The following PLVAP variants were observed in gnomAD, a reference collection of about 807,000 sequenced individuals.
The protein encoded by PLVAP is plasmalemma vesicle-associated protein.
In PLVAP, 34 loss-of-function variants were observed where a neutral mutation model predicts 43.1. The observed-to-expected ratio is 0.79, with a 90% CI of 0.60 to 1.05. The LOEUF is 1.05. PLVAP is among the 50% of genes least tolerant of loss of function. PLVAP has a pLI of 0.00. For missense variants in PLVAP, 574 were observed against 593.4 expected (o/e 0.97, Z 0.34); for synonymous variants, 241 against 237.3 (o/e 1.02, Z -0.14).
At chr19:17,374,738 A>C (rs934905736) in intron 1 of PLVAP, among the ~76,000 whole-genome samples, 8 of 151,138 alleles carry the variant, frequency 5.3e-5, no homozygotes, top group Non-Finnish European at 4.4e-5. Flanking sequence ...TGATCCTCCC[A>C]CCTCAGCCTC....
chr19:17,363,910 AT>A lies in PLVAP; in HGVS notation c.1179+1375del, dbSNP rs566917621. On this transcript the variant is annotated intron_variant, in intron 3 of 5. Coordinates refer to ENST00000252590, the MANE Select transcript of PLVAP (RefSeq NM_031310.3). ...GGCGCCCGCCACCACACCCGGCTAA[AT>A]TTTTTTTTGTATTTTTAGTAGAGAC... 1.6e-3 allele frequency among the ~76,000 whole-genome samples: 239 copies of A among 149,032 alleles called. 2 individuals carry two copies. The East Asian group carries it at 0.035, about 22-fold the overall frequency.
chr19:17,360,612 G>A lies in PLVAP; in HGVS notation c.1241-3C>T, dbSNP rs554390626. 2.4e-5 allele frequency: 39 copies of A among 1,611,724 alleles called. No homozygotes were observed. The East Asian group carries it at 8.2e-4, about 34-fold the overall frequency. Reference sequence around the variant, plus strand: ...GAACTCCTCCAGGCTAGCTGGGTCTGTGGAGGGAGAGAGGTGAGGCTTGAC... The same window carrying A: ...GAACTCCTCCAGGCTAGCTGGGTCTATGGAGGGAGAGAGGTGAGGCTTGAC... On this transcript the variant is annotated splice_polypyrimidine_tract_variant and splice_region_variant and intron_variant, in intron 4 of 5. Transcript: ENST00000252590.
chr19:17,355,372 A>C (rs1422583662), intron 5 of PLVAP, among the ~76,000 whole-genome samples: 1 of 151,916 alleles, frequency 6.6e-6, no homozygotes, highest in Non-Finnish European at 1.5e-5. Flanking sequence ...CCATTTAAAA[A>C]ACGTTTTAGA....
rs191388089 is a variant in PLVAP, at chr19:17,367,368, C to A, written c.370-1173G>T. On this transcript the variant is annotated intron_variant, in intron 1 of 5. Coordinates refer to ENST00000252590, the MANE Select transcript of PLVAP (RefSeq NM_031310.3). Reference sequence around the variant, plus strand: ...TAGCTGGGACTACAGGCCTGTGCCACCACGCCTGACTGATTTTTAAATTTT... The same window carrying A: ...TAGCTGGGACTACAGGCCTGTGCCAACACGCCTGACTGATTTTTAAATTTT... 1.7e-3 allele frequency among the ~76,000 whole-genome samples: 251 copies of A among 150,388 alleles called. 4 individuals carry two copies. Among genetic ancestry groups the A allele is most frequent in the Non-Finnish European group, 1.6e-4 (11 of 67,778 alleles).
At chr19:17,353,544 C>T (rs1345903245) in intron 5 of PLVAP, among the ~76,000 whole-genome samples, 1 of 152,146 alleles carries the variant, frequency 6.6e-6, no homozygotes, top group African/African-American at 2.4e-5. Flanking sequence ...CCTCTTCCCT[C>T]AAACACACAA....
At chr19:17,362,354 C>T (rs1193755297) in intron 3 of PLVAP, 1 of 152,124 alleles carries the variant, frequency 6.6e-6, no homozygotes, top group South Asian at 2.1e-4. Flanking sequence ...ACTTCCACCC[C>T]GAGATTGGCA....
intron 1 of PLVAP, among the ~76,000 whole-genome samples, chr19:17,368,935 G>T (rs767734686): frequency 6.6e-6 from 1 of 152,060 alleles, no homozygotes; most frequent in Non-Finnish European, 1.5e-5. Context: ...CCGAGATCGC[G>T]TCTCTGCACT....
At chr19:17,364,233 A>G (rs2145722128) in intron 3 of PLVAP, among the ~76,000 whole-genome samples, 1 of 151,850 alleles carries the variant, frequency 6.6e-6, no homozygotes, top group Admixed American at 6.6e-5. Flanking sequence ...TTACAGACGC[A>G]CGCCGCCACG....
At chr19:17,373,826 C>A (rs1349901980) in intron 1 of PLVAP, among the ~76,000 whole-genome samples, 1 of 152,104 alleles carries the variant, frequency 6.6e-6, no homozygotes. Flanking sequence ...AAGAAAGTCA[C>A]CTCCCCTCTC....
chr19:17,360,914 CTTTT>C (rs71336607), intron 3 of PLVAP, 82 bp from the exon 4 acceptor site: 1,371 of 899,330 alleles, frequency 1.5e-3, no homozygotes, highest in Middle Eastern at 2.4e-3. Context: ...TTTTCTTTTT[CTTTT>C]TTTTTTTTTT....
At chr19:17,367,970 T>C (rs2074556776) in intron 1 of PLVAP, among the ~76,000 whole-genome samples, 1 of 151,880 alleles carries the variant, frequency 6.6e-6, no homozygotes, top group African/African-American at 2.4e-5. Flanking sequence ...CGATCTCAGC[T>C]CACTGCAACC....
intron 1 of PLVAP, among the ~76,000 whole-genome samples, chr19:17,376,114 G>A (rs973024336): frequency 1.3e-5 from 2 of 151,988 alleles, no homozygotes; most frequent in African/African-American, 4.8e-5. Context: ...GGATGTCAAG[G>A]CTTCAGTGAG....
In PLVAP at chr19:17,376,951, T is replaced by C. The variant is rs747812278; in HGVS notation, c.338A>G (p.Asn113Ser). 1.2e-6 allele frequency: 2 copies of C among 1,614,030 alleles called. No individual in the cohort carries two copies. The highest frequency in any genetic ancestry group is 2.2e-5 in the East Asian group (1 of 44,862). Residue 113 changes from asparagine (N) to serine (S), a missense_variant, in exon 1 of 6, where the codon AAT becomes AGT. Physicochemically the swap from Asn to Ser is conservative, Grantham distance 46. Transcript: ENST00000252590. The stretch of plus-strand genomic sequence containing the variant: ...ACCCTGGCACTGGCGGAAGCTGGCA[T>C]TGATGCGGTCCAGGTCGCGGCGAGC... Reference protein sequence around the residue: ...LNARRDLDRINASFRQCQGDR... With the variant: ...LNARRDLDRISASFRQCQGDR...
intron 3 of PLVAP, chr19:17,362,398 A>T (rs967270052): frequency 2.6e-5 from 4 of 151,900 alleles, no homozygotes; most frequent in African/African-American, 9.7e-5. Flanking sequence ...CCCAGCCCTG[A>T]TCGTCACTCA....
intron 5 of PLVAP, among the ~76,000 whole-genome samples, chr19:17,358,736 C>G (rs143351292): frequency 1.3e-3 from 191 of 152,258 alleles, no homozygotes; most frequent in African/African-American, 4.4e-3. Flanking sequence ...GTCCCTTGCT[C>G]CGGTCATTTT....
intron 3 of PLVAP, among the ~76,000 whole-genome samples, chr19:17,363,741 A>ATTTTTTTTTTTTT (rs35934458): frequency 8.3e-6 from 1 of 120,922 alleles, no homozygotes; most frequent in African/African-American, 3.1e-5. Flanking sequence ...CACCCGGCTA[A>ATTTTTTTTTTTTT]TTTTTTTTTT....
chr19:17,356,643 T>C (rs1005952970), intron 5 of PLVAP, among the ~76,000 whole-genome samples: 2 of 150,036 alleles, frequency 1.3e-5, no homozygotes, highest in Non-Finnish European at 3.0e-5. Context: ...CCCACTAAAC[T>C]GAGATTTTAT....
At chr19:17,367,087 TA>T (rs2074553421) in intron 1 of PLVAP, among the ~76,000 whole-genome samples, 1 of 150,762 alleles carries the variant, frequency 6.6e-6, no homozygotes, top group Admixed American at 6.7e-5. Flanking sequence ...GGACTACAGG[TA>T]TGCGCCACCA....
chr19:17,358,226 G>A (rs1451748877), intron 5 of PLVAP, among the ~76,000 whole-genome samples: 6 of 150,932 alleles, frequency 4.0e-5, no homozygotes, highest in African/African-American at 7.4e-5. Context: ...AGACAGCTTG[G>A]CGAGGGAGTG....
Sources: allele counts gnomAD v4.1 joint callset (sites outside exome capture counted in the v4.1 genomes callset), GRCh38; gene constraint gnomAD v4.1.1; transcripts MANE v1.5; gene names NCBI Gene and HGNC (gene_info 2026-07-23, HGNC 2026-07-21).